ABHD12: variants seen among roughly 807,000 people sequenced by gnomAD.
ABHD12 encodes abhydrolase domain containing 12, lysophospholipase.
In ABHD12, 43 loss-of-function variants were observed where a neutral mutation model predicts 58.3. That is an observed-to-expected ratio of 0.74 (90% CI 0.58 to 0.95). ABHD12 has a LOEUF of 0.95. ABHD12 is among the 40% of genes least tolerant of loss of function. ABHD12 has a pLI of 0.00. For synonymous variants in ABHD12, 219 were observed against 211.2 expected (o/e 1.04, Z -0.32); for missense variants, 539 against 537.2 (o/e 1.00, Z -0.03).
chr20:25,306,264 A>G (rs2088739180), intron 10 of ABHD12, among the ~76,000 whole-genome samples: 1 of 152,180 alleles, frequency 6.6e-6, no homozygotes, highest in South Asian at 2.1e-4. Flanking sequence ...ATTTTGAAAT[A>G]AAACAACTCT....
rs182394577 is a variant in ABHD12 at position 25,301,325 on chromosome 20, T to C, written c.1158-441A>G. ...GAAAAGCAGAAGTTTGCAGTAGAAT[T>C]ACTCACGGGATATACAGCACTGGGA... On this transcript the variant is annotated intron_variant, in intron 12 of 12. Coordinates refer to ENST00000339157, the MANE Select transcript of ABHD12 (RefSeq NM_001042472.3). Among the ~76,000 whole-genome samples, 375 of 152,316 alleles carry C rather than the reference T, an allele frequency of 2.5e-3. 1 individual carries two copies. The highest frequency in any genetic ancestry group is 0.017 in the Middle Eastern group (5 of 294).
At chr20:25,323,518 C>T (rs2089119485) in intron 2 of ABHD12, 88 bp from the exon 3 acceptor site, 1 of 838,360 alleles carries the variant, frequency 1.2e-6, no homozygotes. Flanking sequence ...CACACGTGCA[C>T]AGATATGCAT....
At chr20:25,375,742 G>A (rs188600985) in intron 1 of ABHD12, among the ~76,000 whole-genome samples, 4 of 152,162 alleles carry the variant, frequency 2.6e-5, no homozygotes, top group East Asian at 1.9e-4. Context: ...GTATGTTGTC[G>A]TTTTTGTTGT....
rs2090166472 is a variant in ABHD12 at position 25,390,760 on chromosome 20, G to A, written c.-57C>T. ...GCCCGCTGGCCTGCGCCGCAGTGCC[G>A]CCGCTCACAGCCGCCGCCACCCAGA... On this transcript the variant is annotated 5_prime_UTR_variant, in exon 1 of 13. Coordinates refer to ENST00000339157, the MANE Select transcript of ABHD12 (RefSeq NM_001042472.3). The A allele has an allele frequency of 3.6e-6, 2 of 559,694 alleles. No homozygotes were observed. The highest frequency in any genetic ancestry group is 2.5e-6 in the Non-Finnish European group (1 of 402,614). 34.7% of individuals were successfully genotyped at this position (559,694 alleles called of 1,614,324 possible).
intron 2 of ABHD12, among the ~76,000 whole-genome samples, chr20:25,329,301 A>G (rs537680219): frequency 1.3e-5 from 2 of 152,308 alleles, no homozygotes; most frequent in East Asian, 3.9e-4. Context: ...CAACTCTCTC[A>G]TGGCTCCCTC....
At chr20:25,306,974 C>A in intron 9 of ABHD12, 59 bp from the exon 10 acceptor site, 2 of 1,265,090 alleles carry the variant, frequency 1.6e-6, no homozygotes, top group South Asian at 2.4e-5. Context: ...AGGCACAGGT[C>A]AAGGGTGCAG....
rs771951512 is a variant in ABHD12, at chr20:25,302,220, T to G, written c.1156A>C (p.Arg386=). 1.2e-6 allele frequency: 2 copies of G among 1,613,148 alleles called. No homozygotes were observed. Among genetic ancestry groups the G allele is most frequent in the Admixed American group, 3.3e-5 (2 of 60,032 alleles). ...CTGGGTGGGAAGAGAATGTCTCACCTCAGTATCCGTGGCAGCTCAGGGCTC... is the reference window on the plus strand; with the variant it reads ...CTGGGTGGGAAGAGAATGTCTCACCGCAGTATCCGTGGCAGCTCAGGGCTC... ...YKSPELPRIL[R]EFLGKSEPEH... is the part of the protein sequence containing the mutation. The change falls in exon 12 of 13, where the codon AGG becomes CGG. Residue 386 remains arginine (R), a splice_region_variant and synonymous_variant. Transcript: ENST00000339157.
intron 1 of ABHD12, among the ~76,000 whole-genome samples, chr20:25,358,785 C>T (rs2089701835): frequency 1.3e-5 from 2 of 152,190 alleles, no homozygotes; most frequent in South Asian, 4.1e-4. Flanking sequence ...TCAGACAGCA[C>T]TGTGCCACAC....
intron 1 of ABHD12, among the ~76,000 whole-genome samples, chr20:25,361,772 G>A (rs973610409): frequency 2.6e-5 from 4 of 151,826 alleles, no homozygotes; most frequent in African/African-American, 4.8e-5. Context: ...TGGCTAACAC[G>A]GTGAAACCTC....
intron 1 of ABHD12, 193 bp from the exon 2 acceptor site, chr20:25,339,544 G>T: frequency 1.4e-6 from 2 of 1,402,758 alleles, no homozygotes; most frequent in Non-Finnish European, 2.0e-6. Context: ...TTTAATTTGG[G>T]CTTAGAACTC....
At chr20:25,358,098 T>C (rs1036424640) in intron 1 of ABHD12, among the ~76,000 whole-genome samples, 4 of 152,164 alleles carry the variant, frequency 2.6e-5, no homozygotes, top group African/African-American at 9.7e-5. Flanking sequence ...AGGCAAACTT[T>C]CCTAATCATG....
At chr20:25,307,046 G>A (rs1600767838) in intron 9 of ABHD12, 131 bp from the exon 10 acceptor site, 2 of 710,514 alleles carry the variant, frequency 2.8e-6, no homozygotes, top group East Asian at 5.6e-5. Flanking sequence ...AGGGAGCAGG[G>A]GTGACATTGC....
chr20:25,389,052 C>T (rs190884414), intron 1 of ABHD12, among the ~76,000 whole-genome samples: 124 of 152,226 alleles, frequency 8.1e-4, no homozygotes, highest in African/African-American at 2.8e-3. Context: ...ATAATCTGCC[C>T]GCCTCGGTCT....
At chr20:25,342,265 T>C (rs553100218) in intron 1 of ABHD12, among the ~76,000 whole-genome samples, 2 of 152,212 alleles carry the variant, frequency 1.3e-5, no homozygotes, top group Non-Finnish European at 2.9e-5. Flanking sequence ...TATTGATACA[T>C]GCAACCACGT....
chr20:25,344,891 G>A (rs1195029629), intron 1 of ABHD12, among the ~76,000 whole-genome samples: 1 of 152,190 alleles, frequency 6.6e-6, no homozygotes, highest in African/African-American at 2.4e-5. Flanking sequence ...ATACAATGGA[G>A]CAAAGATGAT....
chr20:25,303,107 A>T (rs1415879723), intron 11 of ABHD12, among the ~76,000 whole-genome samples: 1 of 152,182 alleles, frequency 6.6e-6, no homozygotes, highest in Non-Finnish European at 1.5e-5. Flanking sequence ...AACAGGCTAG[A>T]AGTTTCTCTA....
At chr20:25,315,035 C>A in intron 5 of ABHD12, 65 bp from the exon 6 acceptor site, 1 of 1,558,050 alleles carries the variant, frequency 6.4e-7, no homozygotes, top group Admixed American at 1.7e-5. Flanking sequence ...GGCAGCTTGC[C>A]GCTTACTAAA....
At chr20:25,295,594 C>T, downstream of ABHD12, 2 of 1,613,342 alleles carry the variant, frequency 1.2e-6, no homozygotes, top group Non-Finnish European at 1.7e-6. Context: ...CCTCCTTTCT[C>T]CCATTCCAGG....
At chr20:25,361,979 AAAG>A (rs1330123955) in intron 1 of ABHD12, among the ~76,000 whole-genome samples, 2 of 150,978 alleles carry the variant, frequency 1.3e-5, no homozygotes, top group Admixed American at 6.6e-5. Flanking sequence ...CAAAAAAAGA[AAAG>A]AAAATCTTAC....
Sources: gnomAD v4.1 joint callset for allele counts (sites outside exome capture counted in the v4.1 genomes callset) on GRCh38, gnomAD v4.1.1 for gene constraint, MANE v1.5 for transcripts, NCBI Gene and HGNC (gene_info 2026-07-23, HGNC 2026-07-21) for gene names.